CCDC146: variants seen among roughly 807,000 people sequenced by gnomAD.
The protein encoded by CCDC146 is coiled-coil domain-containing protein 146.
Under a neutral mutation model 119.3 loss-of-function variants are expected in CCDC146, and 92 were observed. That is an observed-to-expected ratio of 0.77 (90% confidence interval 0.65 to 0.92). The LOEUF is 0.92. Among genes scored for constraint, CCDC146 ranks in the 40% least tolerant of loss-of-function variants. CCDC146 has a pLI of 0.00. For synonymous variants in CCDC146, 372 were observed against 371.8 expected (o/e 1.00, Z -0.01); for missense variants, 1,000 against 1,103.0 (o/e 0.91, Z 1.32).
At chr7:77,201,895 G>A (rs952258208) in intron 2 of CCDC146, among the ~76,000 whole-genome samples, 11 of 150,872 alleles carry the variant, frequency 7.3e-5, no homozygotes, top group African/African-American at 1.7e-4. Flanking sequence ...TTAAAAAGGA[G>A]ACATGATGAC....
chr7:77,132,963 G>C (rs1790807179), intron 1 of CCDC146, among the ~76,000 whole-genome samples: 1 of 151,998 alleles, frequency 6.6e-6, no homozygotes, highest in Non-Finnish European at 1.5e-5. Context: ...CCTGAGGTCA[G>C]GAGTTCAAGA....
chr7:77,230,434 T>C (rs562222573), intron 2 of CCDC146, among the ~76,000 whole-genome samples: 82 of 152,270 alleles, frequency 5.4e-4, no homozygotes, highest in African/African-American at 1.9e-3. Context: ...GGAATGTCTT[T>C]ATTTCCTCTT....
intron 2 of CCDC146, among the ~76,000 whole-genome samples, chr7:77,230,276 CAT>C (rs1181201391): frequency 6.6e-6 from 1 of 152,044 alleles, no homozygotes; most frequent in Non-Finnish European, 1.5e-5. Flanking sequence ...TTTATATGAG[CAT>C]ATATCTTCAA....
chr7:77,294,873 G>C lies in CCDC146; in HGVS notation c.*7G>C, dbSNP rs1041355617. ...AAAGCCAGTTGAAATCTGAATATGT[G>C]AACAAATCCAGGCCTCTCAAGGAAA... is the stretch of plus-strand genomic sequence containing the variant. On this transcript the variant is annotated 3_prime_UTR_variant, in exon 19 of 19. Coordinates refer to ENST00000285871, the MANE Select transcript of CCDC146 (RefSeq NM_020879.3). 2.5e-6 allele frequency: 4 copies of C among 1,611,096 alleles called. No individual in the cohort carries two copies. Among genetic ancestry groups the C allele is most frequent in the Non-Finnish European group, 3.4e-6 (4 of 1,178,556 alleles).
At chr7:77,164,212 C>T (rs111382035) in intron 1 of CCDC146, among the ~76,000 whole-genome samples, 1 of 151,874 alleles carries the variant, frequency 6.6e-6, no homozygotes, top group Admixed American at 6.6e-5. Context: ...GCCTAATGTT[C>T]TGAAGGAAAT....
At chr7:77,175,023 T>C (rs1791481055) in intron 2 of CCDC146, among the ~76,000 whole-genome samples, 2 of 151,816 alleles carry the variant, frequency 1.3e-5, no homozygotes, top group Non-Finnish European at 2.9e-5. Flanking sequence ...TTAATACAAG[T>C]GATAGCTTTC....
At chr7:77,230,063 T>G (rs952506448) in intron 2 of CCDC146, among the ~76,000 whole-genome samples, 1 of 152,232 alleles carries the variant, frequency 6.6e-6, no homozygotes, top group Non-Finnish European at 1.5e-5. Context: ...GCCTTTGGTG[T>G]CTTGCCTCTT....
At position 77,256,451 on chromosome 7, in the gene CCDC146, A is replaced by C; in HGVS notation, c.626A>C (p.Gln209Pro). 6.2e-7 allele frequency: 1 copy of C among 1,609,742 alleles called. No individual in the cohort carries two copies. The highest frequency in any genetic ancestry group is 8.5e-7 in the Non-Finnish European group (1 of 1,178,762). ...GAAGATTTGGCATCTAAACAAAAGC[A>C]ATTATTAAAAGAGCAGAAGGAACTA... is the stretch of plus-strand genomic sequence containing the variant. ...LREDLASKQK[Q>P]LLKEQKELEE... Residue 209 changes from glutamine (Q) to proline (P), a missense_variant, in exon 6 of 19, where the codon CAA becomes CCA. Gln to Pro is a moderately conservative substitution (Grantham distance 76). Around this residue, in one of 2 missense-constraint regions of CCDC146, gnomAD observed 985 missense variants for 1,045.3 expected, o/e 0.94. Coordinates refer to ENST00000285871, the MANE Select transcript of CCDC146 (RefSeq NM_020879.3).
At chr7:77,197,670 A>G (rs1168364154) in intron 2 of CCDC146, among the ~76,000 whole-genome samples, 2 of 152,224 alleles carry the variant, frequency 1.3e-5, no homozygotes, top group Non-Finnish European at 2.9e-5. Flanking sequence ...TAAAATCCTA[A>G]TGCATAGGAT....
chr7:77,171,615 CCTT>C (rs1562822235), intron 2 of CCDC146, among the ~76,000 whole-genome samples: 1 of 152,198 alleles, frequency 6.6e-6, no homozygotes, highest in Non-Finnish European at 1.5e-5. Context: ...TTTGGTTTCA[CCTT>C]CTCATTTTTG....
chr7:77,124,084 A>G lies in CCDC146; in HGVS notation c.-12+1352A>G, dbSNP rs1160644279. ...CTGTAGAAACACTAGACATTTTTAG[A>G]TTAAATATTAATTCTTAATAGTTAA... On this transcript the variant is annotated intron_variant, in intron 1 of 18. Coordinates refer to ENST00000285871, the MANE Select transcript of CCDC146 (RefSeq NM_020879.3). Among the ~76,000 whole-genome samples, 3 of 152,226 alleles carry G rather than the reference A, an allele frequency of 2.0e-5. 1 individual carries two copies. Among genetic ancestry groups the G allele is most frequent in the Admixed American group, 2.0e-4 (3 of 15,278 alleles).
chr7:77,287,340 T>G, intron 16 of CCDC146, 100 bp from the exon 17 acceptor site: 3 of 1,245,002 alleles, frequency 2.4e-6, no homozygotes, highest in Non-Finnish European at 2.3e-6. Context: ...TCCAGAGGTA[T>G]TTTGTGGGGG....
chr7:77,197,534 T>G (rs571276660), intron 2 of CCDC146, among the ~76,000 whole-genome samples: 51 of 152,316 alleles, frequency 3.3e-4, no homozygotes, highest in Admixed American at 1.5e-3. Context: ...ATCAGATGAT[T>G]CTAACTCTCC....
At chr7:77,168,035 A>G (rs1402317540) in intron 2 of CCDC146, among the ~76,000 whole-genome samples, 1 of 152,218 alleles carries the variant, frequency 6.6e-6, no homozygotes, top group Admixed American at 6.5e-5. Flanking sequence ...GTAGGTTCTG[A>G]TACTTTCGTA....
At chr7:77,254,611 C>A in intron 5 of CCDC146, 48 bp downstream of exon 5, 3 of 1,021,802 alleles carry the variant, frequency 2.9e-6, no homozygotes, top group South Asian at 2.8e-5. Flanking sequence ...TGGATTCAAT[C>A]ATCCCTTTTT....
chr7:77,276,566 A>G (rs965956907), intron 11 of CCDC146, among the ~76,000 whole-genome samples: 1 of 152,232 alleles, frequency 6.6e-6, no homozygotes, highest in African/African-American at 2.4e-5. Context: ...GGGACAAGTC[A>G]GATGATGAAA....
chr7:77,130,068 G>T (rs2539129), intron 1 of CCDC146, among the ~76,000 whole-genome samples: 1 of 152,056 alleles, frequency 6.6e-6, no homozygotes, highest in Admixed American at 6.5e-5. Flanking sequence ...TAAGTGAAAA[G>T]GTGAAAGTTT....
At chr7:77,244,776 A>G (rs1242161321) in intron 4 of CCDC146, among the ~76,000 whole-genome samples, 1 of 144,262 alleles carries the variant, frequency 6.9e-6, no homozygotes, top group Non-Finnish European at 1.5e-5. Flanking sequence ...ACAGAAACCA[A>G]TTCCCTCCAC....
At chr7:77,230,469 G>A (rs1562840847) in intron 2 of CCDC146, among the ~76,000 whole-genome samples, 1 of 149,686 alleles carries the variant, frequency 6.7e-6, no homozygotes, top group African/African-American at 2.5e-5. Flanking sequence ...ATTTTTGATG[G>A]ATATAGGATT....
Sources: allele counts gnomAD v4.1 joint callset (sites outside exome capture counted in the v4.1 genomes callset), GRCh38; gene constraint gnomAD v4.1.1; regional missense constraint gnomAD v4.1.1; transcripts MANE v1.5; gene names NCBI Gene and HGNC (gene_info 2026-07-23, HGNC 2026-07-21).